PPP2R2C: variants seen among roughly 807,000 people sequenced by gnomAD.
PPP2R2C encodes the protein protein phosphatase 2 regulatory subunit Bgamma.
A neutral mutation model predicts 45.3 loss-of-function variants in PPP2R2C; 10 were observed. The ratio of observed to expected loss-of-function variants is 0.22; its 90% CI spans 0.14 to 0.37. The LOEUF is 0.37. Ranked by LOEUF, PPP2R2C falls within the 10% of genes least tolerant of loss-of-function variation. The pLI, the probability that PPP2R2C is intolerant of heterozygous loss-of-function variation, is 1.00. For missense variants in PPP2R2C, 308 were observed against 619.7 expected, an observed-to-expected ratio of 0.50 and a Z score of 5.34; for synonymous variants, 257 against 245.4, an observed-to-expected ratio of 1.05 and a Z score of -0.44.
At chr4:6,405,151 C>T (rs994516875) in intron 1 of PPP2R2C, among the ~76,000 whole-genome samples, 17 of 152,214 alleles carry the variant, frequency 1.1e-4, no homozygotes, top group African/African-American at 3.6e-4. Flanking sequence ...CCCTTTAATT[C>T]TCACAGCCCC....
intron 1 of PPP2R2C, among the ~76,000 whole-genome samples, chr4:6,469,192 A>G (rs1386246574): frequency 6.6e-6 from 1 of 151,974 alleles, no homozygotes; most frequent in Non-Finnish European, 1.5e-5. Flanking sequence ...ATTTTACAAG[A>G]GACTCAGGAA....
intron 1 of PPP2R2C, among the ~76,000 whole-genome samples, chr4:6,399,493 G>A (rs1204587063): frequency 6.6e-6 from 1 of 152,210 alleles, no homozygotes; most frequent in Non-Finnish European, 1.5e-5. Flanking sequence ...TGTCCAAGGT[G>A]GTCTGATCCA....
At chr4:6,424,117 T>A (rs1182128106) in intron 1 of PPP2R2C, among the ~76,000 whole-genome samples, 1 of 152,114 alleles carries the variant, frequency 6.6e-6, no homozygotes, top group Admixed American at 6.5e-5. Flanking sequence ...GAAAGCCGGA[T>A]TAGGAGGAAG....
intron 2 of PPP2R2C, among the ~76,000 whole-genome samples, chr4:6,528,824 C>A (rs1056232703): frequency 2.0e-5 from 3 of 152,172 alleles, no homozygotes; most frequent in Non-Finnish European, 4.4e-5. Flanking sequence ...GACCCCCACT[C>A]CTGCCCGCCA....
chr4:6,324,504 T>C lies in PPP2R2C; in HGVS notation c.1053-911A>G, dbSNP rs186848843. 1.6e-4 allele frequency among the ~76,000 whole-genome samples: 25 copies of C among 152,324 alleles called. No individual in the cohort carries two copies. The highest frequency in any genetic ancestry group is 8.5e-4 in the Admixed American group (13 of 15,306). ...TAGTCCAGGAGAGAAAGCTCTGGCC[T>C]TCCAAACAGACTGTGCAACCACAGC... On this transcript the variant is annotated intron_variant, in intron 8 of 8. Coordinates refer to ENST00000382599, the MANE Select transcript of PPP2R2C (RefSeq NM_020416.4). This position sits in a 1 kb window ranked among gnomAD's most constrained non-coding sequence, Gnocchi z 4.1.
At chr4:6,382,587 T>C (rs1344708898) in intron 1 of PPP2R2C, 1 of 1,252,960 alleles carries the variant, frequency 8.0e-7, no homozygotes, top group Non-Finnish European at 1.1e-6. Flanking sequence ...AGCTCTATTG[T>C]TCACTTGCTC....
At chr4:6,496,993 G>C (rs1722901452) in intron 2 of PPP2R2C, among the ~76,000 whole-genome samples, 1 of 152,170 alleles carries the variant, frequency 6.6e-6, no homozygotes, top group African/African-American at 2.4e-5. Context: ...ATAAGAGCGT[G>C]ATCCATAGAC....
At chr4:6,411,742 C>T (rs1396975424) in intron 1 of PPP2R2C, among the ~76,000 whole-genome samples, 1 of 151,898 alleles carries the variant, frequency 6.6e-6, no homozygotes, top group African/African-American at 2.4e-5. Context: ...TTAGTAGAGA[C>T]GGGGTTTCAC....
At chr4:6,403,169 C>G (rs533645171) in intron 1 of PPP2R2C, among the ~76,000 whole-genome samples, 2 of 152,356 alleles carry the variant, frequency 1.3e-5, no homozygotes, top group East Asian at 3.9e-4. Flanking sequence ...TGGGAGATTA[C>G]TGCCGCTGGC....
At chr4:6,408,238 T>C (rs1340339829) in intron 1 of PPP2R2C, among the ~76,000 whole-genome samples, 2 of 152,210 alleles carry the variant, frequency 1.3e-5, no homozygotes, top group African/African-American at 4.8e-5. Flanking sequence ...AGAAGAGACC[T>C]AGACCCCCAA....
intron 2 of PPP2R2C, among the ~76,000 whole-genome samples, chr4:6,529,223 G>A (rs966896134): frequency 2.6e-5 from 4 of 152,342 alleles, no homozygotes; most frequent in African/African-American, 9.6e-5. Flanking sequence ...AAAGGCTCAC[G>A]GTCAAGGAAG....
intron 1 of PPP2R2C, chr4:6,420,825 C>T (rs1056391228): frequency 2.2e-5 from 13 of 582,238 alleles, no homozygotes; most frequent in South Asian, 1.5e-4. Flanking sequence ...CATGGAATGA[C>T]GGCTGGGACA....
intron 6 of PPP2R2C, 35 bp downstream of exon 6, chr4:6,347,811 T>G: frequency 7.7e-6 from 4 of 519,088 alleles, no homozygotes; most frequent in East Asian, 6.1e-5. Context: ...GCCTGCCCAA[T>G]GCACAGCCCC....
intron 2 of PPP2R2C, among the ~76,000 whole-genome samples, chr4:6,525,079 C>G (rs1724152806): frequency 6.6e-6 from 1 of 151,804 alleles, no homozygotes; most frequent in Admixed American, 6.6e-5. Flanking sequence ...GGGTGAGACA[C>G]TCTCTCCAAA....
intron 2 of PPP2R2C, among the ~76,000 whole-genome samples, chr4:6,525,950 C>T (rs1172985640): frequency 6.6e-6 from 1 of 152,212 alleles, no homozygotes; most frequent in Non-Finnish European, 1.5e-5. Flanking sequence ...GATCTGCCCG[C>T]CTCAGCCTCC....
chr4:6,340,077 G>T (rs1424823516), intron 6 of PPP2R2C, among the ~76,000 whole-genome samples: 2 of 152,120 alleles, frequency 1.3e-5, no homozygotes, highest in African/African-American at 4.8e-5. Context: ...TCCTACAATG[G>T]CACAGGTGGG....
intron 2 of PPP2R2C, among the ~76,000 whole-genome samples, chr4:6,516,894 G>A (rs994188411): frequency 4.6e-5 from 7 of 152,250 alleles, no homozygotes; most frequent in African/African-American, 1.4e-4. Flanking sequence ...CTCCCACTGC[G>A]AAATCACTCA....
At chr4:6,562,083 C>T (rs1347402544) in intron 1 of PPP2R2C, among the ~76,000 whole-genome samples, 1 of 152,174 alleles carries the variant, frequency 6.6e-6, no homozygotes, top group Non-Finnish European at 1.5e-5. Flanking sequence ...ACCCTCACTC[C>T]ACAGCAGGGA....
intron 6 of PPP2R2C, among the ~76,000 whole-genome samples, chr4:6,340,861 C>T (rs1216515793): frequency 2.0e-5 from 3 of 152,266 alleles, no homozygotes; most frequent in African/African-American, 7.2e-5. Context: ...CCTCTCTGAC[C>T]TCACCTCCTC....
Sources: gnomAD v4.1 joint callset for allele counts (sites outside exome capture counted in the v4.1 genomes callset) on GRCh38, gnomAD v4.1.1 for gene constraint, Gnocchi (gnomAD v3.1) non-coding constraint, MANE v1.5 for transcripts, NCBI Gene and HGNC (gene_info 2026-07-23, HGNC 2026-07-21) for gene names.